FRMD6: variants seen among roughly 807,000 people sequenced by gnomAD.
FRMD6 encodes the protein FERM domain containing 6.
In FRMD6, 37 loss-of-function variants were observed where a neutral mutation model predicts 73.2. That is an observed-to-expected ratio of 0.51 (90% CI 0.39 to 0.66). The LOEUF (loss-of-function observed/expected upper bound fraction) is 0.66, where lower values mean the gene tolerates loss of function less well. Ranked by LOEUF, FRMD6 falls within the 30% of genes least tolerant of loss-of-function variation. The pLI, the probability that FRMD6 is intolerant of heterozygous loss-of-function variation, is 0.00. For synonymous variants in FRMD6, 273 were observed against 282.2 expected, an observed-to-expected ratio of 0.97 and a Z score of 0.33; for missense variants, 714 against 780.5, an observed-to-expected ratio of 0.91 and a Z score of 1.02.
Position 51,689,793 on chromosome 14 carries a change from A to G in FRMD6, c.-44A>G, listed in dbSNP as rs1281572394. The stretch of plus-strand genomic sequence containing the variant: ...GTGCTGGGAACCTGAGGAATTGCCA[A>G]GGACCCAGAGCCCAGCCCTGACCAC... On this transcript the variant is annotated 5_prime_UTR_variant, in exon 2 of 14. Transcript: ENST00000344768. 3 of 1,196,980 alleles carry G rather than the reference A, an allele frequency of 2.5e-6. No homozygotes were observed. Among genetic ancestry groups the G allele is most frequent in the Admixed American group, 1.7e-5 (1 of 59,462 alleles). The allele number at this position is 1,196,980 out of a possible 1,614,324, so 74.1% of individuals were successfully genotyped here. A position where few individuals can be genotyped will look rare whatever the true frequency, so the allele number is the denominator to read the frequency against.
At chr14:51,560,228 T>G (rs1887399854) in intron 1 of FRMD6, among the ~76,000 whole-genome samples, 1 of 152,196 alleles carries the variant, frequency 6.6e-6, no homozygotes, top group Admixed American at 6.5e-5. Flanking sequence ...GAAATAAACA[T>G]CACCCAACAC....
At chr14:51,487,041 C>G (rs1882776915), upstream of FRMD6, among the ~76,000 whole-genome samples, 1 of 151,944 alleles carries the variant, frequency 6.6e-6, no homozygotes, top group African/African-American at 2.4e-5. Context: ...TAGGCCTCAC[C>G]CCAGACCTAC....
the FRMD6 span, among the ~76,000 whole-genome samples, chr14:51,445,474 A>ATTTT: frequency 0.027 from 3,965 of 149,416 alleles, 59 homozygotes; most frequent in East Asian, 0.039. Flanking sequence ...CAGAAGTGCA[A>ATTTT]TTTTTTTTTT....
At chr14:51,544,973 G>A (rs1052825816) in intron 1 of FRMD6, among the ~76,000 whole-genome samples, 22 of 152,046 alleles carry the variant, frequency 1.4e-4, no homozygotes, top group African/African-American at 4.6e-4. Flanking sequence ...TAAATTTCCC[G>A]AACCATTTGG....
the FRMD6 span, among the ~76,000 whole-genome samples, chr14:51,400,975 C>A: frequency 1.3e-5 from 2 of 152,184 alleles, no homozygotes; most frequent in Admixed American, 1.3e-4. Context: ...ATTCTTCAGC[C>A]ACTTCCATAA....
chr14:51,580,127 CGTGT>C (rs3060586), intron 2 of FRMD6, among the ~76,000 whole-genome samples: 3 of 149,822 alleles, frequency 2.0e-5, no homozygotes, highest in Admixed American at 6.7e-5. Flanking sequence ...TTGTGTGCAC[CGTGT>C]GTGTGTGTGT....
At chr14:51,696,087 T>A (rs1316137961) in intron 2 of FRMD6, among the ~76,000 whole-genome samples, 1 of 151,910 alleles carries the variant, frequency 6.6e-6, no homozygotes, top group African/African-American at 2.4e-5. Flanking sequence ...GTAATGCATA[T>A]AGGTAAAATG....
At chr14:51,699,837 G>A (rs76183662) in intron 3 of FRMD6, among the ~76,000 whole-genome samples, 2,488 of 151,980 alleles carry the variant, frequency 0.016, 66 homozygotes, top group African/African-American at 0.055. Flanking sequence ...AATCAGTTTC[G>A]ACAGGAAGAT....
the FRMD6 span, among the ~76,000 whole-genome samples, chr14:51,441,527 A>G: frequency 1.3e-5 from 2 of 152,160 alleles, no homozygotes; most frequent in Non-Finnish European, 1.5e-5. Flanking sequence ...TTAAACTTTT[A>G]TATGTCTTTT....
the FRMD6 span, among the ~76,000 whole-genome samples, chr14:51,483,805 G>T: frequency 1.6e-4 from 24 of 152,328 alleles, no homozygotes; most frequent in Admixed American, 1.2e-3. Flanking sequence ...CAAGGAAAAT[G>T]AAAGGTAATG....
At chr14:51,686,598 A>G (rs1895167388) in intron 1 of FRMD6, among the ~76,000 whole-genome samples, 1 of 152,106 alleles carries the variant, frequency 6.6e-6, no homozygotes, top group South Asian at 2.1e-4. Flanking sequence ...GGGTTTGATC[A>G]CTATTAAAAC....
the FRMD6 span, among the ~76,000 whole-genome samples, chr14:51,475,773 A>G: frequency 7.2e-5 from 11 of 152,206 alleles, no homozygotes; most frequent in Non-Finnish European, 1.6e-4. Context: ...ACTTTTTGCC[A>G]AAGTGCTCAT....
At chr14:51,625,358 T>C (rs558681752) in intron 2 of FRMD6, among the ~76,000 whole-genome samples, 46 of 152,308 alleles carry the variant, frequency 3.0e-4, no homozygotes, top group South Asian at 8.3e-4. Context: ...TGTTGCATTT[T>C]CAGAAAATAG....
the FRMD6 span, among the ~76,000 whole-genome samples, chr14:51,459,362 C>T: frequency 6.6e-6 from 1 of 152,190 alleles, no homozygotes; most frequent in Non-Finnish European, 1.5e-5. Flanking sequence ...CCCTCACTAA[C>T]TTCTTGCCTA....
chr14:51,475,058 A>G, the FRMD6 span, among the ~76,000 whole-genome samples: 1 of 152,342 alleles, frequency 6.6e-6, no homozygotes, highest in South Asian at 2.1e-4. Flanking sequence ...CTTCCAATGC[A>G]TAGATGTACC....
chr14:51,491,071 G>A (rs1882975891), intron 1 of FRMD6, among the ~76,000 whole-genome samples: 1 of 152,192 alleles, frequency 6.6e-6, no homozygotes, highest in Admixed American at 6.5e-5. Context: ...GGAGTGGGGT[G>A]GGTGGAGCCC....
intron 1 of FRMD6, among the ~76,000 whole-genome samples, chr14:51,508,945 A>C (rs1323912081): frequency 6.6e-6 from 1 of 152,158 alleles, no homozygotes; most frequent in Non-Finnish European, 1.5e-5. Context: ...AGTCCAACAG[A>C]TCAAGAATGA....
At chr14:51,626,301 G>C (rs1403318368) in intron 2 of FRMD6, among the ~76,000 whole-genome samples, 2 of 151,988 alleles carry the variant, frequency 1.3e-5, no homozygotes, top group Non-Finnish European at 2.9e-5. Context: ...CATTTCCTAG[G>C]TTCCAGCTAG....
At chr14:51,474,670 G>A in the FRMD6 span, among the ~76,000 whole-genome samples, 4 of 152,172 alleles carry the variant, frequency 2.6e-5, no homozygotes, top group Non-Finnish European at 1.5e-5. Context: ...CCACACTGGG[G>A]AGTGATGCAG....
Sources: allele counts gnomAD v4.1 joint callset (sites outside exome capture counted in the v4.1 genomes callset), GRCh38; gene constraint gnomAD v4.1.1; transcripts MANE v1.5; gene names NCBI Gene and HGNC (gene_info 2026-07-23, HGNC 2026-07-21).